Variants in PNPLA1 observed in about 807,000 individuals in gnomAD.
The protein encoded by PNPLA1 is omega-hydroxyceramide transacylase.
In PNPLA1, 36 loss-of-function variants were observed where a neutral mutation model predicts 51.7. The ratio of observed to expected loss-of-function variants is 0.70; its 90% CI spans 0.53 to 0.92. The LOEUF (loss-of-function observed/expected upper bound fraction) is 0.92. Ranked by LOEUF, PNPLA1 falls within the 40% of genes least tolerant of loss-of-function variation. The pLI, the probability that PNPLA1 is intolerant of heterozygous loss-of-function variation, is 0.00. For synonymous variants in PNPLA1, 293 were observed against 280.1 expected, an observed-to-expected ratio of 1.05 and a Z score of -0.46; for missense variants, 658 against 682.5, an observed-to-expected ratio of 0.96 and a Z score of 0.40.
chr6:36,298,888 G>A (rs1770938413), intron 5 of PNPLA1, among the ~76,000 whole-genome samples: 1 of 152,104 alleles, frequency 6.6e-6, no homozygotes, highest in African/African-American at 2.4e-5. Context: ...ACAGGCACAC[G>A]CCACCACGTC....
At chr6:36,276,805 G>A (rs1028102568) in intron 1 of PNPLA1, among the ~76,000 whole-genome samples, 3 of 151,622 alleles carry the variant, frequency 2.0e-5, no homozygotes, top group Non-Finnish European at 4.4e-5. Flanking sequence ...TTCCGTGTTA[G>A]TTGAGCACAT....
chr6:36,246,601 G>T (rs1206492547), intron 1 of PNPLA1, among the ~76,000 whole-genome samples: 1 of 152,136 alleles, frequency 6.6e-6, no homozygotes, highest in Non-Finnish European at 1.5e-5. Context: ...TGCTGAAATG[G>T]TGGCATCTAC....
In PNPLA1 at chr6:36,295,711, T is replaced by C. The variant is rs1392847967; in HGVS notation, c.775+287T>C. Among the ~76,000 whole-genome samples, 4 of 152,216 alleles carry C rather than the reference T, an allele frequency of 2.6e-5. No homozygotes were observed. The East Asian group carries it at 5.8e-4, about 22-fold the overall frequency. On this transcript the variant is annotated intron_variant, in intron 5 of 8. Coordinates refer to ENST00000636260, the MANE Select transcript of PNPLA1 (RefSeq NM_001374623.1). ...TGCTTATGAATGTAAAAACTCTATT[T>C]AGGAAATCCAGAGTTCAGATCTTCC...
chr6:36,260,612 G>A (rs1006991662), intron 1 of PNPLA1, among the ~76,000 whole-genome samples: 4 of 152,132 alleles, frequency 2.6e-5, no homozygotes, highest in Non-Finnish European at 5.9e-5. Context: ...TCATTCAGAG[G>A]TAGTTTATCC....
intron 5 of PNPLA1, among the ~76,000 whole-genome samples, chr6:36,301,322 A>G (rs953734663): frequency 3.9e-5 from 6 of 152,036 alleles, no homozygotes; most frequent in African/African-American, 1.4e-4. Flanking sequence ...ATGCTACAAT[A>G]ATGCTTGCCA....
intron 1 of PNPLA1, among the ~76,000 whole-genome samples, chr6:36,261,634 A>G (rs1769650624): frequency 6.6e-6 from 1 of 152,264 alleles, no homozygotes; most frequent in African/African-American, 2.4e-5. Context: ...CTGAACTTAC[A>G]AAAGCGAGAA....
chr6:36,262,262 C>T lies in PNPLA1; in HGVS notation c.-81+19001C>T, dbSNP rs1176614501. On this transcript the variant is annotated intron_variant, in intron 1 of 7. Transcript: ENST00000312917. Reference sequence around the variant, plus strand: ...CTCGTCCCACCCTACCTCTGTCCCACAGACAACCCTCCCATCCTCCACTCT... The same window carrying T: ...CTCGTCCCACCCTACCTCTGTCCCATAGACAACCCTCCCATCCTCCACTCT... Among the ~76,000 whole-genome samples the T allele has an allele frequency of 9.6e-5, 12 of 124,608 alleles. No individual in the cohort carries two copies. The Admixed American group carries it at 9.9e-4, about 10-fold the overall frequency. 81.7% of individuals were successfully genotyped at this position (124,608 alleles called of 152,430 possible).
chr6:36,259,174 C>T (rs1361805393), intron 1 of PNPLA1, among the ~76,000 whole-genome samples: 2 of 152,148 alleles, frequency 1.3e-5, no homozygotes, highest in Admixed American at 1.3e-4. Flanking sequence ...CAGTTTTGCA[C>T]AACCTGTTCC....
chr6:36,245,399 G>A (rs1326493675), intron 1 of PNPLA1, among the ~76,000 whole-genome samples: 1 of 152,152 alleles, frequency 6.6e-6, no homozygotes, highest in Non-Finnish European at 1.5e-5. Context: ...TTTTTGAAAA[G>A]CTATTATTTC....
chr6:36,307,827 G>A (rs1432495904), intron 8 of PNPLA1, 115 bp downstream of exon 8: 4 of 1,350,474 alleles, frequency 3.0e-6, no homozygotes, highest in Admixed American at 2.7e-5. Flanking sequence ...TGCAGTGGGA[G>A]ATTGGGCTTT....
At chr6:36,299,875 T>C (rs1048194528) in intron 5 of PNPLA1, among the ~76,000 whole-genome samples, 4 of 152,162 alleles carry the variant, frequency 2.6e-5, no homozygotes, top group African/African-American at 9.7e-5. Context: ...GTTTTAGATT[T>C]ATGGATAACT....
chr6:36,288,443 ATTT>A (rs34132369), intron 1 of PNPLA1, among the ~76,000 whole-genome samples: 49,613 of 125,210 alleles, frequency 0.4, 9,260 homozygotes, highest in African/African-American at 0.49. Flanking sequence ...AGGAGACCCT[ATTT>A]TTTTTTTTTT....
chr6:36,291,544 C>A lies in PNPLA1; in HGVS notation c.430C>A (p.Leu144Ile). 1 of 1,258,322 alleles carries A rather than the reference C, an allele frequency of 7.9e-7. No individual in the cohort carries two copies. The highest frequency in any genetic ancestry group is 1.1e-6 in the Non-Finnish European group (1 of 942,164). The allele number at this position is 1,258,322 out of a possible 1,614,324, so 77.9% of individuals were successfully genotyped here. Residue 144 changes from leucine to isoleucine, a missense_variant, in exon 2 of 9, where the codon CTC becomes ATC. Physicochemically the swap from Leu to Ile is conservative, Grantham distance 5. Transcript: ENST00000636260. ...VVSEFTSKEE[L>I]IEALYCSCFV... ...TTCAGAGTTCACGTCCAAGGAGGAGCTCATTGAGGCAAGGGGGCTGGGCTG... is the reference window on the plus strand; with the variant it reads ...TTCAGAGTTCACGTCCAAGGAGGAGATCATTGAGGCAAGGGGGCTGGGCTG...
At chr6:36,281,953 G>A (rs1770297256) in intron 1 of PNPLA1, among the ~76,000 whole-genome samples, 1 of 150,904 alleles carries the variant, frequency 6.6e-6, no homozygotes, top group Non-Finnish European at 1.5e-5. Flanking sequence ...CCCAGGAGAT[G>A]GGGAGGTTGC....
chr6:36,271,641 C>G (rs1385892735), intron 1 of PNPLA1, among the ~76,000 whole-genome samples: 3 of 152,190 alleles, frequency 2.0e-5, no homozygotes, highest in African/African-American at 7.2e-5. Flanking sequence ...GACATTCAAG[C>G]CTAGAGCTGG....
At position 36,294,140 on chromosome 6, in the gene PNPLA1, G is replaced by A. The variant is rs1274435001; in HGVS notation, c.505-50G>A. 1 of 1,603,634 alleles carries A rather than the reference G, an allele frequency of 6.2e-7. No homozygotes were observed. The highest frequency in any genetic ancestry group is 1.3e-5 in the African/African-American group (1 of 74,790). On this transcript the variant is annotated intron_variant, in intron 3 of 8. Transcript: ENST00000636260. This position sits in a 1 kb window ranked among gnomAD's most constrained non-coding sequence, Gnocchi z 4.2. ...GGGCCATTTCGATGTACCCCGAGTG[G>A]GGCTGAGAACTCTGGCCCCAAGTGG...
At position 36,306,357 on chromosome 6, in the gene PNPLA1, G is replaced by A. The variant is rs747745268; in HGVS notation, c.1450G>A (p.Val484Ile). 16 of 1,612,678 alleles carry A rather than the reference G, an allele frequency of 9.9e-6. No individual in the cohort carries two copies. Among genetic ancestry groups the A allele is most frequent in the African/African-American group, 1.3e-5 (1 of 74,758 alleles). The change falls in exon 7 of 9, where the codon GTC (valine) becomes ATC (isoleucine). Residue 484 changes from valine (V) to isoleucine (I), a missense_variant. Val to Ile is a conservative substitution (Grantham distance 29). Transcript: ENST00000636260. ...AVPLVHVKET[V>I]SKPYVTESPA... ...GCCTCTGGTTCATGTGAAGGAAACC[G>A]TCAGCAAGCCTTATGTAACGTAAGT...
rs531269258 is a variant in PNPLA1, at chr6:36,295,356, G to A, written c.715-8G>A. 2.5e-5 allele frequency: 41 copies of A among 1,614,044 alleles called. No individual in the cohort carries two copies. Among genetic ancestry groups the A allele is most frequent in the Non-Finnish European group, 3.0e-5 (35 of 1,179,964 alleles). ...CCTTGGTAATTCTCCTGGTGCCTCCGCCCACAGATCCTGCACGATTACTAC... is the reference window on the plus strand; with the variant it reads ...CCTTGGTAATTCTCCTGGTGCCTCCACCCACAGATCCTGCACGATTACTAC... On this transcript the variant is annotated splice_region_variant and splice_polypyrimidine_tract_variant and intron_variant, in intron 4 of 8. Transcript: ENST00000636260.
intron 4 of PNPLA1, 122 bp from the exon 5 acceptor site, chr6:36,295,242 C>T (rs1005584731): frequency 1.3e-5 from 13 of 966,370 alleles, no homozygotes; most frequent in African/African-American, 9.7e-5. Flanking sequence ...TGGATGGGTA[C>T]GTTTTGAAAA....
Sources: gnomAD v4.1 joint callset for allele counts (sites outside exome capture counted in the v4.1 genomes callset) on GRCh38, gnomAD v4.1.1 for gene constraint, Gnocchi (gnomAD v3.1) non-coding constraint, MANE v1.5 for transcripts, NCBI Gene and HGNC (gene_info 2026-07-23, HGNC 2026-07-21) for gene names.